PLD1: variants seen among roughly 807,000 people sequenced by gnomAD.
PLD1 encodes the protein choline phosphatase 1.
PLD1 carries 112 observed loss-of-function variants against 137.1 expected under a neutral mutation model. That is an observed-to-expected ratio of 0.82 (90% CI 0.70 to 0.96). The LOEUF is 0.96. PLD1 is among the 40% of genes least tolerant of loss of function. PLD1 has a pLI of 0.00. For synonymous variants in PLD1, 431 were observed against 454.7 expected, an observed-to-expected ratio of 0.95 and a Z score of 0.66; for missense variants, 1,321 against 1,342.0, an observed-to-expected ratio of 0.98 and a Z score of 0.24.
At chr3:171,644,676 G>A (rs1736041058) in intron 22 of PLD1, among the ~76,000 whole-genome samples, 1 of 152,076 alleles carries the variant, frequency 6.6e-6, no homozygotes, top group African/African-American at 2.4e-5. Flanking sequence ...ATACAAGAAG[G>A]ACTAATATTT....
At chr3:171,618,069 T>G (rs996505146) in intron 24 of PLD1, among the ~76,000 whole-genome samples, 2 of 151,964 alleles carry the variant, frequency 1.3e-5, no homozygotes, top group Non-Finnish European at 2.9e-5. Context: ...AAAGAAACTC[T>G]GGATTTTTTC....
intron 1 of PLD1, among the ~76,000 whole-genome samples, chr3:171,754,335 T>G (rs1490099492): frequency 1.3e-5 from 2 of 152,220 alleles, no homozygotes; most frequent in African/African-American, 4.8e-5. Flanking sequence ...TACAAAGCAT[T>G]CTGTACACAT....
intron 14 of PLD1, among the ~76,000 whole-genome samples, chr3:171,688,233 T>A (rs549172267): frequency 6.6e-6 from 1 of 152,350 alleles, no homozygotes; most frequent in South Asian, 2.1e-4. Flanking sequence ...TCAAATTCCC[T>A]CTAAATGACC....
rs1732777917 is a variant in PLD1 at position 171,612,838 on chromosome 3, C to T, written c.2729-406G>A. Reference sequence around the variant, plus strand: ...AGCTGCTGCAGCCATTTCACAACCACTAGAGAACAAACAAAAAAGCTTAAA... The same window carrying T: ...AGCTGCTGCAGCCATTTCACAACCATTAGAGAACAAACAAAAAAGCTTAAA... On this transcript the variant is annotated intron_variant, in intron 24 of 26. Transcript: ENST00000351298. This position sits in a 1 kb window ranked among gnomAD's most constrained non-coding sequence, Gnocchi z 4.1. 6.6e-6 allele frequency among the ~76,000 whole-genome samples: 1 copy of T among 152,072 alleles called. No individual in the cohort carries two copies. The highest frequency in any genetic ancestry group is 2.4e-5 in the African/African-American group (1 of 41,394).
chr3:171,786,382 C>T (rs1244340271), intron 1 of PLD1, among the ~76,000 whole-genome samples: 1 of 152,094 alleles, frequency 6.6e-6, no homozygotes, highest in African/African-American at 2.4e-5. Flanking sequence ...CTTTCTAAAC[C>T]AAGGAGCAGC....
chr3:171,802,863 C>A (rs1723700708), intron 1 of PLD1, among the ~76,000 whole-genome samples: 1 of 152,172 alleles, frequency 6.6e-6, no homozygotes, highest in Non-Finnish European at 1.5e-5. Flanking sequence ...GGCCAGGGTC[C>A]AGCAGCCCAG....
At chr3:171,758,312 AT>A (rs1485568126) in intron 1 of PLD1, among the ~76,000 whole-genome samples, 1 of 152,154 alleles carries the variant, frequency 6.6e-6, no homozygotes, top group Non-Finnish European at 1.5e-5. Context: ...GCAGGGCCCA[AT>A]TTCTTAATCA....
chr3:171,783,264 G>C (rs1429988330), intron 1 of PLD1, among the ~76,000 whole-genome samples: 3 of 152,052 alleles, frequency 2.0e-5, no homozygotes, highest in Non-Finnish European at 4.4e-5. Context: ...TCAGAGTGTT[G>C]TGTGTGTGTT....
chr3:171,624,917 G>T (rs1419579135), intron 23 of PLD1, among the ~76,000 whole-genome samples: 1 of 152,088 alleles, frequency 6.6e-6, no homozygotes, highest in Non-Finnish European at 1.5e-5. Context: ...TACCAATAGG[G>T]GATGGATAAG....
At chr3:171,697,394 G>A (rs1319241176) in intron 12 of PLD1, among the ~76,000 whole-genome samples, 4 of 151,922 alleles carry the variant, frequency 2.6e-5, no homozygotes, top group African/African-American at 7.2e-5. Context: ...ATAGGCGCCC[G>A]CCACCATGCC....
chr3:171,808,239 TA>T (rs879648516), intron 1 of PLD1, among the ~76,000 whole-genome samples: 258 of 145,500 alleles, frequency 1.8e-3, no homozygotes, highest in African/African-American at 4.2e-3. Context: ...TTCAAATTAT[TA>T]AAAAAAAAAA....
chr3:171,615,534 T>C (rs1560146274), intron 24 of PLD1, among the ~76,000 whole-genome samples: 2 of 152,224 alleles, frequency 1.3e-5, no homozygotes, highest in Non-Finnish European at 2.9e-5. Flanking sequence ...AGAGGAAGAC[T>C]TGATGTTTAA....
Position 171,600,411 on chromosome 3 carries a change from T to C in PLD1, c.*2667A>G, listed in dbSNP as rs926316511. ...ACAGAAATTAGCAGGATGTCAGGTATATAGCATTTATAGGCATTTCAAAAT... is the reference window on the plus strand; with the variant it reads ...ACAGAAATTAGCAGGATGTCAGGTACATAGCATTTATAGGCATTTCAAAAT... On this transcript the variant is annotated 3_prime_UTR_variant, in exon 27 of 27. Coordinates refer to ENST00000351298, the MANE Select transcript of PLD1 (RefSeq NM_002662.5). The C allele has an allele frequency of 1.3e-5, 2 of 152,228 alleles. No individual in the cohort carries two copies. The highest frequency in any genetic ancestry group is 2.4e-5 in the African/African-American group (1 of 41,462). The allele number at this position is 152,228 out of a possible 1,614,324, so 9.4% of individuals were successfully genotyped here. A position where few individuals can be genotyped will look rare whatever the true frequency, so the allele number is the denominator to read the frequency against.
intron 6 of PLD1, among the ~76,000 whole-genome samples, chr3:171,730,256 A>AT (rs1049868970): frequency 6.6e-6 from 1 of 152,074 alleles, no homozygotes; most frequent in Non-Finnish European, 1.5e-5. Context: ...AGATATTGCT[A>AT]TTTTTTTACA....
intron 8 of PLD1, among the ~76,000 whole-genome samples, chr3:171,718,309 A>C (rs1168611595): frequency 6.6e-6 from 1 of 152,228 alleles, no homozygotes; most frequent in Non-Finnish European, 1.5e-5. Flanking sequence ...AATCAGTAAT[A>C]AATAGCCTAC....
chr3:171,771,488 C>G (rs1722348228), intron 1 of PLD1: 1 of 152,220 alleles, frequency 6.6e-6, no homozygotes, highest in South Asian at 2.1e-4. Context: ...AAATAAAACC[C>G]ACATACAGAA....
chr3:171,624,566 T>C (rs1481053469), intron 23 of PLD1, among the ~76,000 whole-genome samples: 3 of 151,944 alleles, frequency 2.0e-5, no homozygotes, highest in Non-Finnish European at 4.4e-5. Context: ...TATATGTATA[T>C]ATATTAATAT....
In PLD1 at chr3:171,699,799, G is replaced by A; in HGVS notation, c.1173C>T (p.Arg391=). ...TCCAACGATTTCCCTCAACCACTGG[G>A]CGTTTCAGGAAGATTTCTGGACTCA... ...WWLSPEIFLK[R]PVVEGNRWRL... Residue 391 remains arginine, a synonymous_variant, in exon 12 of 27, where the codon CGC becomes CGT. Coordinates refer to ENST00000351298, the MANE Select transcript of PLD1 (RefSeq NM_002662.5). 1 of 1,613,884 alleles carries A rather than the reference G, an allele frequency of 6.2e-7. No individual in the cohort carries two copies. Among genetic ancestry groups the A allele is most frequent in the South Asian group, 1.1e-5 (1 of 91,062 alleles).
intron 23 of PLD1, among the ~76,000 whole-genome samples, chr3:171,625,477 T>A (rs1185514038): frequency 6.6e-6 from 1 of 152,248 alleles, no homozygotes; most frequent in Non-Finnish European, 1.5e-5. Flanking sequence ...TAAATGTCCC[T>A]GTCTGATAGC....
Sources: gnomAD v4.1 joint callset for allele counts (sites outside exome capture counted in the v4.1 genomes callset) on GRCh38, gnomAD v4.1.1 for gene constraint, Gnocchi (gnomAD v3.1) non-coding constraint, MANE v1.5 for transcripts, NCBI Gene and HGNC (gene_info 2026-07-23, HGNC 2026-07-21) for gene names.